Variants in CDK5RAP2 observed in about 807,000 individuals in gnomAD.
CDK5RAP2 encodes the protein CDK5 regulatory subunit-associated protein 2.
Under a neutral mutation model 232.9 loss-of-function variants are expected in CDK5RAP2, and 147 were observed. That is an observed-to-expected ratio of 0.63 (90% CI 0.55 to 0.72). The LOEUF (loss-of-function observed/expected upper bound fraction) is 0.72, where lower values mean the gene tolerates loss of function less well. Among genes scored for constraint, CDK5RAP2 ranks in the 30% least tolerant of loss-of-function variants. The pLI is 0.00. For synonymous variants in CDK5RAP2, 833 were observed against 833.7 expected (o/e 1.00, Z 0.01); for missense variants, 2,195 against 2,231.5 (o/e 0.98, Z 0.33).
At chr9:120,553,542 G>A (rs971542653) in intron 3 of CDK5RAP2, among the ~76,000 whole-genome samples, 3 of 152,104 alleles carry the variant, frequency 2.0e-5, no homozygotes, top group African/African-American at 4.8e-5. Context: ...AGCTAGGAAG[G>A]GACTTTAAAT....
At chr9:120,491,591 G>A (rs1485759280) in intron 12 of CDK5RAP2, 114 bp from the exon 13 acceptor site, 1 of 689,092 alleles carries the variant, frequency 1.5e-6, no homozygotes, top group East Asian at 2.7e-5. Context: ...GTATTTAAGG[G>A]AGTATACAAG....
At chr9:120,517,425 G>A (rs954712356) in intron 12 of CDK5RAP2, among the ~76,000 whole-genome samples, 1 of 152,084 alleles carries the variant, frequency 6.6e-6, no homozygotes, top group Non-Finnish European at 1.5e-5. Context: ...GCCTGGCCCA[G>A]GATCTCAGGC....
chr9:120,547,997 T>G (rs1026995788), intron 4 of CDK5RAP2, among the ~76,000 whole-genome samples: 1 of 152,204 alleles, frequency 6.6e-6, no homozygotes, highest in Non-Finnish European at 1.5e-5. Context: ...AATCCTCAAG[T>G]GTCAAAAACA....
chr9:120,498,176 A>G (rs1480536340), intron 12 of CDK5RAP2, among the ~76,000 whole-genome samples: 1 of 152,182 alleles, frequency 6.6e-6, no homozygotes. Context: ...TTTGATCACC[A>G]ATAAATAGTC....
In CDK5RAP2 at chr9:120,574,085, C is replaced by G. The variant is rs955779440; in HGVS notation, c.60-2044G>C. Among the ~76,000 whole-genome samples the G allele has an allele frequency of 1.1e-4, 17 of 152,274 alleles. No homozygotes were observed. In the East Asian group the frequency reaches 1.9e-3, roughly 17 times the overall value. On this transcript the variant is annotated intron_variant, in intron 1 of 37. Transcript: ENST00000349780. Reference sequence around the variant, plus strand: ...GCTGAAAAGTACCTAGCAAACAAAGCCAAAGATTCTGGTCTTAGACAAGCT... The same window carrying G: ...GCTGAAAAGTACCTAGCAAACAAAGGCAAAGATTCTGGTCTTAGACAAGCT...
rs773390657 is a variant in CDK5RAP2 at position 120,529,989 on chromosome 9, T to C, written c.814A>G (p.Arg272Gly). The change falls in exon 8 of 38, where the codon AGA becomes GGA. Residue 272 changes from arginine to glycine, a missense_variant. Arg to Gly is a moderately radical substitution (Grantham distance 125). Coordinates refer to ENST00000349780, the MANE Select transcript of CDK5RAP2 (RefSeq NM_018249.6). ...TCCTGTCACCTCACCTCAGTTTCTC[T>C]CTCCTTTTCTTCCCTTGGAGCAGCA... ...LCAAPREEKE[R>G]ETEAAQMEHQ... The C allele has an allele frequency of 1.9e-6, 3 of 1,613,870 alleles. No individual in the cohort carries two copies. The highest frequency in any genetic ancestry group is 1.7e-4 in the Middle Eastern group (1 of 6,054).
chr9:120,487,155 T>G (rs1465219196), intron 14 of CDK5RAP2, 139 bp downstream of exon 14: 1 of 880,482 alleles, frequency 1.1e-6, no homozygotes, highest in Non-Finnish European at 1.9e-6. Context: ...GGCTAAGAAC[T>G]CCTCCTCCTA....
At chr9:120,519,445 C>A (rs1359314410) in intron 11 of CDK5RAP2, among the ~76,000 whole-genome samples, 23 of 149,008 alleles carry the variant, frequency 1.5e-4, no homozygotes, top group Non-Finnish European at 1.8e-4. Flanking sequence ...AAAATAAAAC[C>A]AAAACAAAAC....
At chr9:120,392,403 G>A (rs759222681) in intron 36 of CDK5RAP2, among the ~76,000 whole-genome samples, 1 of 152,142 alleles carries the variant, frequency 6.6e-6, no homozygotes, top group Non-Finnish European at 1.5e-5. Flanking sequence ...CATGTTCTCT[G>A]ACCTAGGACA....
chr9:120,402,287 G>A (rs560771114), intron 34 of CDK5RAP2, among the ~76,000 whole-genome samples: 1 of 152,252 alleles, frequency 6.6e-6, no homozygotes, highest in African/African-American at 2.4e-5. Context: ...GACAGAGCTA[G>A]ATCCTGTCTC....
At chr9:120,404,134 G>C in intron 32 of CDK5RAP2, 21 bp from the exon 33 acceptor site, 1 of 1,498,294 alleles carries the variant, frequency 6.7e-7, no homozygotes, top group Non-Finnish European at 9.3e-7. Context: ...CAAAACACGA[G>C]AACTGTTAGT....
At chr9:120,454,089 T>C (rs2036623262) in intron 20 of CDK5RAP2, among the ~76,000 whole-genome samples, 2 of 152,352 alleles carry the variant, frequency 1.3e-5, no homozygotes, top group South Asian at 4.1e-4. Context: ...TGTCATTTCA[T>C]GGATAAGAAG....
At chr9:120,516,852 A>C (rs1356499465) in intron 12 of CDK5RAP2, among the ~76,000 whole-genome samples, 1 of 152,214 alleles carries the variant, frequency 6.6e-6, no homozygotes, top group African/African-American at 2.4e-5. Flanking sequence ...GTACATATAT[A>C]CATAGGCACT....
intron 27 of CDK5RAP2, among the ~76,000 whole-genome samples, chr9:120,416,190 T>C (rs1028940858): frequency 1.3e-5 from 2 of 152,208 alleles, no homozygotes; most frequent in African/African-American, 2.4e-5. Context: ...AAGATAGCGT[T>C]AGATCCACAG....
chr9:120,520,902 T>G (rs147812838), intron 11 of CDK5RAP2, among the ~76,000 whole-genome samples: 326 of 11,724 alleles, frequency 0.028, 1 homozygote, highest in Middle Eastern at 0.083. Context: ...GTATCTCATA[T>G]ATCATATATC....
At position 120,476,050 on chromosome 9, in the gene CDK5RAP2, G is replaced by T. The variant is rs1295506901; in HGVS notation, c.1727+1300C>A. ...TGGGAGGAGACAAAGTAGGGGAAAG[G>T]TTGGGAATAGAAGGGTAGGAAACAC... On this transcript the variant is annotated intron_variant, in intron 15 of 37. Coordinates refer to ENST00000349780, the MANE Select transcript of CDK5RAP2 (RefSeq NM_018249.6). 2.0e-5 allele frequency among the ~76,000 whole-genome samples: 3 copies of T among 152,266 alleles called. No homozygotes were observed. The South Asian group carries it at 6.2e-4, about 32-fold the overall frequency.
intron 20 of CDK5RAP2, among the ~76,000 whole-genome samples, chr9:120,454,904 C>T (rs1233062016): frequency 1.3e-5 from 2 of 152,170 alleles, no homozygotes; most frequent in Non-Finnish European, 2.9e-5. Context: ...CTCCCTGAGC[C>T]CTCATTCCTG....
intron 14 of CDK5RAP2, among the ~76,000 whole-genome samples, chr9:120,484,193 C>T (rs879402182): frequency 7.9e-5 from 12 of 152,092 alleles, no homozygotes; most frequent in Non-Finnish European, 1.5e-4. Context: ...TAGAAATGGG[C>T]AGAGGATAAA....
chr9:120,547,157 T>G (rs2041877335), intron 4 of CDK5RAP2, among the ~76,000 whole-genome samples: 1 of 151,910 alleles, frequency 6.6e-6, no homozygotes, highest in African/African-American at 2.4e-5. Flanking sequence ...CCCAGCTAAT[T>G]TTTTGTATTT....
Sources: allele counts gnomAD v4.1 joint callset (sites outside exome capture counted in the v4.1 genomes callset), GRCh38; gene constraint gnomAD v4.1.1; transcripts MANE v1.5; gene names NCBI Gene and HGNC (gene_info 2026-07-23, HGNC 2026-07-21).